The following DGKD variants were observed in gnomAD, a reference collection of about 807,000 sequenced individuals.
The protein encoded by DGKD is DAG kinase delta.
A neutral mutation model predicts 154.4 loss-of-function variants in DGKD; 68 were observed. The observed-to-expected ratio is 0.44, with a 90% CI of 0.36 to 0.54. The LOEUF is 0.54. DGKD is among the 20% of genes least tolerant of loss of function. The pLI is 0.00. For synonymous variants in DGKD, 693 were observed against 638.0 expected (o/e 1.09, Z -1.30); for missense variants, 1,343 against 1,593.6 (o/e 0.84, Z 2.68).
chr2:233,467,166 C>A lies in DGKD; in HGVS notation c.3387C>A (p.Asn1129Lys). ...CCAAGTTTAAAAAGGAGAAAAACAA[C>A]AAGAACAAAGAAGCTCACAGTAGCC... ...LVTKFKKEKN[N>K]KNKEAHSSLG... Residue 1129 changes from asparagine (N) to lysine (K), a missense_variant, in exon 28 of 30, where the codon AAC becomes AAA. Asn to Lys is a moderately conservative substitution (Grantham distance 94). Coordinates refer to ENST00000264057, the MANE Select transcript of DGKD (RefSeq NM_152879.3). 1 of 1,614,190 alleles carries A rather than the reference C, an allele frequency of 6.2e-7. No individual in the cohort carries two copies.
At chr2:233,412,167 A>G (rs992155822) in intron 3 of DGKD, among the ~76,000 whole-genome samples, 1 of 152,164 alleles carries the variant, frequency 6.6e-6, no homozygotes, top group Non-Finnish European at 1.5e-5. Context: ...TTTGTTTGAG[A>G]TTGTGTTAAA....
At position 233,445,658 on chromosome 2, in the gene DGKD, C is replaced by T. The variant is rs1194427715; in HGVS notation, c.1230C>T (p.Asn410=). The T allele has an allele frequency of 8.7e-6, 14 of 1,612,648 alleles. No homozygotes were observed. Among genetic ancestry groups the T allele is most frequent in the Non-Finnish European group, 1.1e-5 (13 of 1,179,376 alleles). ...GAGTGCTGCCGCTCGGCACAGGGAA[C>T]GACTTGGCCCGAGTACTGGGCTGGG... ...QLGVLPLGTG[N]DLARVLGWGS... Residue 410 remains asparagine, a synonymous_variant, in exon 11 of 30, where the codon AAC becomes AAT. Transcript: ENST00000264057. This position sits in a 1 kb window ranked among gnomAD's most constrained non-coding sequence, Gnocchi z 5.5.
chr2:233,366,963 T>C (rs1337838159), intron 1 of DGKD, among the ~76,000 whole-genome samples: 1 of 152,220 alleles, frequency 6.6e-6, no homozygotes, highest in South Asian at 2.1e-4. Flanking sequence ...TATTTTCTTA[T>C]ATAACAATAC....
chr2:233,435,001 G>T (rs1258909147), intron 5 of DGKD, 100 bp downstream of exon 5: 1 of 1,511,402 alleles, frequency 6.6e-7, no homozygotes, highest in African/African-American at 1.4e-5. Context: ...ATAAGCCGTT[G>T]TCACCCATGT....
chr2:233,434,541 G>GT, intron 4 of DGKD, 57 bp downstream of exon 4: 1 of 1,534,010 alleles, frequency 6.5e-7, no homozygotes, highest in South Asian at 1.1e-5. Context: ...TCACCCCAGT[G>GT]TCTGCTGTCT....
At chr2:233,454,653 A>G (rs949499805) in intron 18 of DGKD, 110 bp from the exon 19 acceptor site, 2 of 653,318 alleles carry the variant, frequency 3.1e-6, no homozygotes, top group Non-Finnish European at 5.5e-6. Context: ...CAGACAAAAA[A>G]GAAAAAGTTA....
At chr2:233,462,841 G>A (rs558574634) in intron 26 of DGKD, 106 bp downstream of exon 26, 12 of 1,025,496 alleles carry the variant, frequency 1.2e-5, no homozygotes, top group East Asian at 7.2e-5. Flanking sequence ...CAGAGTTCCC[G>A]GTCTTAAGGA....
rs758135256 is a variant in DGKD, at chr2:233,448,155, G to A, written c.1488G>A (p.Gln496=). Residue 496 remains glutamine, a synonymous_variant, in exon 13 of 30, where the codon CAG becomes CAA. Transcript: ENST00000264057. The stretch of plus-strand genomic sequence containing the variant: ...TTTCTAAAATCCTCACCTCGGACCA[G>A]CACTCGGTGGTCATCTCCTCGGCCA... The part of the protein sequence containing the change: ...AHLSKILTSD[Q]HSVVISSAKV... 3 of 1,614,164 alleles carry A rather than the reference G, an allele frequency of 1.9e-6. No homozygotes were observed.
In DGKD at chr2:233,438,742, TCTGTCTATCTATCATCTATC is replaced by T. The variant is rs1559549464; in HGVS notation, c.1085+364_1085+383del. Among the ~76,000 whole-genome samples, 1,031 of 137,496 alleles carry T rather than the reference TCTGTCTATCTATCATCTATC, an allele frequency of 7.5e-3. 12 individuals are homozygous for T. The highest frequency in any genetic ancestry group is 0.025 in the African/African-American group (957 of 37,592). 90.2% of individuals were successfully genotyped at this position (137,496 alleles called of 152,430 possible). A position where few individuals can be genotyped will look rare whatever the true frequency, so the allele number is the denominator to read the frequency against. On this transcript the variant is annotated intron_variant, in intron 9 of 29. Coordinates refer to ENST00000264057, the MANE Select transcript of DGKD (RefSeq NM_152879.3). This position sits in a 1 kb window ranked among gnomAD's most constrained non-coding sequence, Gnocchi z 4.1. ...CTTTCATTTTATAATTTTTTATTTA[TCTGTCTATCTATCATCTATC>T]TATCTATCTATCTATCTATCTATCT...
intron 1 of DGKD, among the ~76,000 whole-genome samples, chr2:233,355,417 A>AGCCC (rs1701491424): frequency 6.6e-6 from 1 of 152,238 alleles, no homozygotes; most frequent in African/African-American, 2.4e-5. Context: ...GCTCCAGGTG[A>AGCCC]GCCCGCCCGG....
At chr2:233,426,219 A>G (rs761483080) in intron 3 of DGKD, among the ~76,000 whole-genome samples, 1 of 152,036 alleles carries the variant, frequency 6.6e-6, no homozygotes, top group African/African-American at 2.4e-5. Flanking sequence ...TCATGTTTCC[A>G]CCTTTCTCTC....
In DGKD at chr2:233,450,111, A is replaced by G. The variant is rs1478921624; in HGVS notation, c.2018A>G (p.Lys673Arg). The part of the protein sequence containing the change: ...LSHSESFGVP[K>R]GRSQRKVSKS... ...CACAGCGAGAGCTTCGGGGTCCCCA[A>G]GGGGAGGAGCCAGCGCAAAGGTACT... Residue 673 changes from lysine (K) to arginine (R), a missense_variant, in exon 16 of 30, where the codon AAG (lysine) becomes AGG (arginine). Lys to Arg is a conservative substitution (Grantham distance 26). This residue lies in a region of DGKD where 409 missense variants were observed against 446.0 expected (regional missense o/e 0.92). Coordinates refer to ENST00000264057, the MANE Select transcript of DGKD (RefSeq NM_152879.3). 6 of 1,612,380 alleles carry G rather than the reference A, an allele frequency of 3.7e-6. No homozygotes were observed. Among genetic ancestry groups the G allele is most frequent in the Admixed American group, 1.7e-5 (1 of 59,724 alleles).
intron 2 of DGKD, 57 bp from the exon 3 acceptor site, chr2:233,390,346 T>G (rs1575023440): frequency 2.1e-6 from 3 of 1,404,022 alleles, no homozygotes. Flanking sequence ...CGCTGGCTAG[T>G]GCTTAGGGAT....
intron 6 of DGKD, 42 bp downstream of exon 6, chr2:233,435,966 C>T (rs768806388): frequency 2.6e-6 from 4 of 1,549,744 alleles, no homozygotes; most frequent in Admixed American, 1.9e-5. Flanking sequence ...GAGCCAGGGT[C>T]CCCCACCTGC....
chr2:233,377,185 C>A (rs535442510), intron 1 of DGKD, among the ~76,000 whole-genome samples: 94 of 148,062 alleles, frequency 6.3e-4, no homozygotes, highest in African/African-American at 2.3e-3. Flanking sequence ...TGGGTTCAAA[C>A]GATTCTCTTG....
intron 3 of DGKD, among the ~76,000 whole-genome samples, chr2:233,399,913 T>C (rs2061516303): frequency 6.6e-6 from 1 of 152,100 alleles, no homozygotes; most frequent in Non-Finnish European, 1.5e-5. Flanking sequence ...TCTGCTGTTG[T>C]TGGTACTTTT....
At chr2:233,391,245 G>A (rs1255609176) in intron 3 of DGKD, among the ~76,000 whole-genome samples, 1 of 151,744 alleles carries the variant, frequency 6.6e-6, no homozygotes, top group Non-Finnish European at 1.5e-5. Context: ...AGTTATGTAG[G>A]ACTTTCTGCA....
At chr2:233,444,260 G>A (rs570675496) in intron 10 of DGKD, among the ~76,000 whole-genome samples, 16 of 152,068 alleles carry the variant, frequency 1.1e-4, no homozygotes, top group Non-Finnish European at 1.3e-4. Flanking sequence ...TGGTTCGTCC[G>A]TCTCTTCCTC....
At chr2:233,407,910 G>T (rs1322588186) in intron 3 of DGKD, among the ~76,000 whole-genome samples, 3 of 152,200 alleles carry the variant, frequency 2.0e-5, no homozygotes, top group Non-Finnish European at 2.9e-5. Context: ...GGTTAGGACT[G>T]CTTCTTGGGT....
Sources: gnomAD v4.1 joint callset for allele counts (sites outside exome capture counted in the v4.1 genomes callset) on GRCh38, gnomAD v4.1.1 for gene constraint, gnomAD v4.1.1 regional missense constraint, Gnocchi (gnomAD v3.1) non-coding constraint, MANE v1.5 for transcripts, NCBI Gene and HGNC (gene_info 2026-07-23, HGNC 2026-07-21) for gene names.